ANKS1A: variants seen among roughly 807,000 people sequenced by gnomAD.
The protein encoded by ANKS1A is ankyrin repeat and SAM domain-containing protein 1A.
In ANKS1A, 55 loss-of-function variants were observed where a neutral mutation model predicts 120.3. The observed-to-expected ratio is 0.46, with a 90% confidence interval of 0.37 to 0.57. ANKS1A has a LOEUF of 0.57. ANKS1A is among the 20% of genes least tolerant of loss of function. The pLI, the probability that ANKS1A is intolerant of heterozygous loss-of-function variation, is 0.00. For missense variants in ANKS1A, 1,123 were observed against 1,480.3 expected, an observed-to-expected ratio of 0.76 and a Z score of 3.96; for synonymous variants, 590 against 604.7, an observed-to-expected ratio of 0.98 and a Z score of 0.36.
At chr6:34,989,583 C>G (rs1264208843) in intron 9 of ANKS1A, among the ~76,000 whole-genome samples, 1 of 152,192 alleles carries the variant, frequency 6.6e-6, no homozygotes, top group African/African-American at 2.4e-5. Flanking sequence ...ATAAGCTGAA[C>G]AGTCTCACTT....
At position 35,017,814 on chromosome 6, in the gene ANKS1A, T is replaced by A; in HGVS notation, c.1765T>A (p.Ser589Thr). ...CCCTGAAACTTTGACTCACACAGCA[T>A]CTCCGCACCCTGGTGGTGCTGAGGA... is the stretch of plus-strand genomic sequence containing the variant. ...SHPETLTHTA[S>T]PHPGGAEEGD... is the part of the protein sequence containing the mutation. Residue 589 changes from serine to threonine, a missense_variant, in exon 11 of 24, where the codon TCT (serine) becomes ACT (threonine). By Grantham distance (58) the Ser-to-Thr change is moderately conservative. Transcript: ENST00000360359. The A allele has an allele frequency of 6.2e-7, 1 of 1,614,106 alleles. No homozygotes were observed. The highest frequency in any genetic ancestry group is 8.5e-7 in the Non-Finnish European group (1 of 1,180,016).
At chr6:34,991,747 T>C (rs1772573984) in intron 9 of ANKS1A, among the ~76,000 whole-genome samples, 2 of 28,194 alleles carry the variant, frequency 7.1e-5, no homozygotes, top group African/African-American at 1.4e-4. Context: ...TATATACATA[T>C]ATACACACAT....
intron 17 of ANKS1A, among the ~76,000 whole-genome samples, chr6:35,081,597 C>T (rs190243760): frequency 1.4e-4 from 22 of 152,366 alleles, no homozygotes; most frequent in South Asian, 6.2e-4. Context: ...AGCTTCACCT[C>T]GGCAGCATTC....
intron 9 of ANKS1A, 77 bp downstream of exon 9, chr6:34,989,393 A>C: frequency 2.2e-6 from 3 of 1,371,684 alleles, no homozygotes; most frequent in Non-Finnish European, 3.1e-6. Context: ...GCTTTAAAAG[A>C]CTTTGCTTTC....
chr6:35,018,208 G>A (rs72896242), intron 11 of ANKS1A, 149 bp downstream of exon 11: 58,301 of 797,664 alleles, frequency 0.073, 2,673 homozygotes, highest in Non-Finnish European at 0.089. Context: ...TCTGACAATC[G>A]TAAGAAGAGG....
intron 10 of ANKS1A, among the ~76,000 whole-genome samples, chr6:35,006,679 C>G (rs903078069): frequency 2.0e-5 from 3 of 152,230 alleles, no homozygotes; most frequent in Non-Finnish European, 4.4e-5. Context: ...GGCATGAACC[C>G]GGGAGGCAGA....
At chr6:34,986,360 G>A (rs1380808614) in intron 8 of ANKS1A, among the ~76,000 whole-genome samples, 2 of 152,138 alleles carry the variant, frequency 1.3e-5, no homozygotes, top group Non-Finnish European at 2.9e-5. Context: ...GTGTAGGCCC[G>A]AATCACTGGT....
chr6:35,035,095 C>T (rs1199320960), intron 11 of ANKS1A, among the ~76,000 whole-genome samples: 1 of 152,236 alleles, frequency 6.6e-6, no homozygotes, highest in Non-Finnish European at 1.5e-5. Context: ...CTCTTCTCAG[C>T]TGCACTGCCA....
At chr6:34,958,436 ACTTCT>A (rs1770473859) in intron 1 of ANKS1A, among the ~76,000 whole-genome samples, 2 of 152,012 alleles carry the variant, frequency 1.3e-5, no homozygotes, top group Non-Finnish European at 2.9e-5. Context: ...CTAGTCACAC[ACTTCT>A]CTTAGTGTAT....
chr6:35,080,533 G>A (rs908141212), intron 16 of ANKS1A, among the ~76,000 whole-genome samples: 2 of 152,200 alleles, frequency 1.3e-5, no homozygotes, highest in Non-Finnish European at 2.9e-5. Context: ...CAGGGGCTTC[G>A]TGAAGTGGGT....
chr6:34,904,740 AAAC>A (rs1424901519), intron 1 of ANKS1A, among the ~76,000 whole-genome samples: 2 of 152,234 alleles, frequency 1.3e-5, no homozygotes, highest in Non-Finnish European at 2.9e-5. Context: ...CAAAAACAAA[AAAC>A]AAAATGTTTT....
intron 1 of ANKS1A, among the ~76,000 whole-genome samples, chr6:34,935,899 A>G (rs1769225973): frequency 6.6e-6 from 1 of 150,862 alleles, no homozygotes; most frequent in African/African-American, 2.4e-5. Context: ...CGTCTCTACT[A>G]AAAATACAAA....
chr6:35,039,840 AAAC>A (rs1775368008), intron 11 of ANKS1A, among the ~76,000 whole-genome samples: 1 of 152,230 alleles, frequency 6.6e-6, no homozygotes, highest in Non-Finnish European at 1.5e-5. Flanking sequence ...TGAGTGGCTT[AAAC>A]AACAGATGTT....
intron 20 of ANKS1A, 150 bp from the exon 21 acceptor site, chr6:35,083,971 C>T: frequency 1.6e-6 from 2 of 1,286,456 alleles, no homozygotes; most frequent in African/African-American, 1.5e-5. Flanking sequence ...ACCCCCACCC[C>T]CACCAATAAA....
At chr6:35,075,222 T>C (rs1003228263) in intron 13 of ANKS1A, among the ~76,000 whole-genome samples, 1 of 152,108 alleles carries the variant, frequency 6.6e-6, no homozygotes, top group Non-Finnish European at 1.5e-5. Flanking sequence ...TATAGAAGAA[T>C]GTAAAACACA....
intron 13 of ANKS1A, among the ~76,000 whole-genome samples, chr6:35,062,427 T>C (rs1287439703): frequency 6.6e-6 from 1 of 152,234 alleles, no homozygotes; most frequent in East Asian, 1.9e-4. Flanking sequence ...TATTCCCTCA[T>C]TGCATGTGGA....
At chr6:34,947,107 C>G (rs1769837172) in intron 1 of ANKS1A, among the ~76,000 whole-genome samples, 1 of 145,472 alleles carries the variant, frequency 6.9e-6, no homozygotes. Context: ...TAGTATGATA[C>G]TTAATATGAT....
intron 1 of ANKS1A, among the ~76,000 whole-genome samples, chr6:34,958,691 T>A (rs1344772209): frequency 2.6e-5 from 4 of 152,186 alleles, no homozygotes; most frequent in African/African-American, 9.7e-5. Context: ...ATCCTTCCAC[T>A]TGTATGCTCC....
At chr6:34,961,406 C>T (rs963244164) in intron 1 of ANKS1A, among the ~76,000 whole-genome samples, 1 of 152,082 alleles carries the variant, frequency 6.6e-6, no homozygotes, top group East Asian at 1.9e-4. Context: ...AATGTGTTCC[C>T]CAGTCCCCAA....
Sources: allele counts gnomAD v4.1 joint callset (sites outside exome capture counted in the v4.1 genomes callset), GRCh38; gene constraint gnomAD v4.1.1; transcripts MANE v1.5; gene names NCBI Gene and HGNC (gene_info 2026-07-23, HGNC 2026-07-21).